PCSK4: variants seen among roughly 807,000 people sequenced by gnomAD.
The protein encoded by PCSK4 is proprotein convertase subtilisin/kexin type 4.
In PCSK4, 64 loss-of-function variants were observed where a neutral mutation model predicts 80.3. The ratio of observed to expected loss-of-function variants is 0.80; its 90% CI spans 0.65 to 0.98. PCSK4 has a LOEUF of 0.98. PCSK4 is among the 50% of genes least tolerant of loss of function. The pLI, the probability that PCSK4 is intolerant of heterozygous loss-of-function variation, is 0.00. For missense variants in PCSK4, 1,213 were observed against 1,093.6 expected, an observed-to-expected ratio of 1.11 and a Z score of -1.54; for synonymous variants, 561 against 487.6, an observed-to-expected ratio of 1.15 and a Z score of -1.98.
exon 11 of PCSK4, chr19:1,483,758 T>C: frequency 6.3e-7 from 1 of 1,588,072 alleles, no homozygotes; most frequent in East Asian, 2.3e-5. Flanking sequence ...GTATCCGTAG[T>C]GATGGCTCAC....
chr19:1,489,631 T>G, intron 2 of PCSK4, 162 bp downstream of exon 2: 1 of 1,302,616 alleles, frequency 7.7e-7, no homozygotes, highest in African/African-American at 1.5e-5. Context: ...TATCTGGGTC[T>G]TCCTGCCTCC....
exon 5 of PCSK4, chr19:1,487,790 C>A: frequency 6.3e-7 from 1 of 1,578,436 alleles, no homozygotes; most frequent in Non-Finnish European, 8.6e-7. Flanking sequence ...CTCACCGGTT[C>A]TCTTTGCTGG....
chr19:1,490,669 A>C, upstream of PCSK4: 2 of 329,142 alleles, frequency 6.1e-6, no homozygotes, highest in Non-Finnish European at 1.1e-5. Flanking sequence ...CCACTTTCCA[A>C]CACACCCCTC....
rs1229161481 is a variant in PCSK4 at position 1,483,959 on chromosome 19, G to A, written c.1170-18C>T. The A allele has an allele frequency of 5.4e-5, 77 of 1,436,814 alleles. 1 individual carries two copies. The South Asian group carries it at 5.8e-4, about 11-fold the overall frequency. The allele number at this position is 1,436,814 out of a possible 1,614,324, so 89.0% of individuals were successfully genotyped here. A position where few individuals can be genotyped will look rare whatever the true frequency, so the allele number is the denominator to read the frequency against. On this transcript the variant is annotated intron_variant, in intron 9 of 14. Coordinates refer to ENST00000300954, the Ensembl canonical transcript of PCSK4. ...GGAACGGGCTGCGGGGGGCGGGGGC[G>A]GGGGCGGGTGAGCCGCCGGGCCGCG... is the stretch of plus-strand genomic sequence containing the variant.
chr19:1,490,315 C>G, exon 1 of PCSK4: 1 of 1,477,564 alleles, frequency 6.8e-7, no homozygotes, highest in South Asian at 1.2e-5. Context: ...CAAGACCAGG[C>G]GCAGCCACAG....
upstream of PCSK4, chr19:1,490,475 C>T (rs2084893578): frequency 2.3e-5 from 12 of 529,684 alleles, no homozygotes; most frequent in Non-Finnish European, 3.6e-5. Flanking sequence ...GGGGGCCTTG[C>T]GGCTACTCAG....
intron 6 of PCSK4, 120 bp from the exon 7 acceptor site, chr19:1,487,433 G>T: frequency 2.0e-6 from 2 of 1,014,560 alleles, no homozygotes; most frequent in Non-Finnish European, 2.9e-6. Context: ...CTGCTCCCTG[G>T]AGTGGGACCA....
chr19:1,487,630 C>T (rs1167937738), exon 6 of PCSK4: 3 of 1,553,834 alleles, frequency 1.9e-6, no homozygotes, highest in South Asian at 2.4e-5. Flanking sequence ...AAAGCGACCC[C>T]CACACCACAG....
At chr19:1,485,678 TG>T (rs2084565295) in intron 8 of PCSK4, among the ~76,000 whole-genome samples, 1 of 151,906 alleles carries the variant, frequency 6.6e-6, no homozygotes, top group African/African-American at 2.4e-5. Context: ...GAGATCATCC[TG>T]GCTAACATGG....
At chr19:1,489,651 A>T in intron 2 of PCSK4, 142 bp downstream of exon 2, 1 of 1,410,932 alleles carries the variant, frequency 7.1e-7, no homozygotes, top group Non-Finnish European at 9.4e-7. Flanking sequence ...CTCTTGCTGT[A>T]TAGACTTGGG....
At chr19:1,483,560 G>T in intron 11 of PCSK4, 90 bp downstream of exon 11, 2 of 1,415,580 alleles carry the variant, frequency 1.4e-6, no homozygotes, top group East Asian at 2.3e-5. Flanking sequence ...ACGGGGTCCA[G>T]CCCTCGTTTT....
intron 1 of PCSK4, 100 bp downstream of exon 1, chr19:1,490,058 A>C: frequency 6.5e-7 from 1 of 1,530,606 alleles, no homozygotes; most frequent in Non-Finnish European, 8.8e-7. Context: ...GGGACTCTTG[A>C]TATTTAGAAG....
At chr19:1,482,545 G>T (rs568210492) in intron 13 of PCSK4, 70 bp from the exon 14 acceptor site, 1 of 1,543,204 alleles carries the variant, frequency 6.5e-7, no homozygotes, top group Admixed American at 1.8e-5. Context: ...GGTAGTCCCC[G>T]GGCTCCCTCC....
chr19:1,490,338 G>A (rs142886071), exon 1 of PCSK4: 1 of 1,273,756 alleles, frequency 7.9e-7, no homozygotes, highest in Non-Finnish European at 1.1e-6. Flanking sequence ...CAATCGGGGC[G>A]GGCCGCATGG....
At chr19:1,488,428 A>C in intron 2 of PCSK4, 148 bp from the exon 3 acceptor site, 1 of 632,672 alleles carries the variant, frequency 1.6e-6, no homozygotes, top group Non-Finnish European at 2.8e-6. Context: ...CTCTGTCTGC[A>C]GTCGGAAGGG....
chr19:1,490,042 T>TGGGCTGG (rs2145450589), intron 1 of PCSK4, 116 bp downstream of exon 1: 1 of 1,518,356 alleles, frequency 6.6e-7, no homozygotes, highest in East Asian at 2.5e-5. Context: ...GAGGCAGGGG[T>TGGGCTGG]GGGCTGGGAC....
At chr19:1,487,162 G>A (rs1399345518) in exon 7 of PCSK4, 1 of 1,606,276 alleles carries the variant, frequency 6.2e-7, no homozygotes, top group Non-Finnish European at 8.5e-7. Flanking sequence ...CACGCCGGAA[G>A]GCCTCGCGGG....
chr19:1,484,355 C>G (rs1026796809), intron 8 of PCSK4, among the ~76,000 whole-genome samples: 2 of 151,624 alleles, frequency 1.3e-5, no homozygotes, highest in East Asian at 3.9e-4. Context: ...GGCATGGTGG[C>G]GGGCACCTGT....
intron 2 of PCSK4, among the ~76,000 whole-genome samples, chr19:1,488,832 T>C (rs921954484): frequency 1.3e-5 from 2 of 152,142 alleles, no homozygotes; most frequent in Admixed American, 6.5e-5. Context: ...CTGCCTGCCT[T>C]GGCCTCCCGA....
Sources: allele counts gnomAD v4.1 joint callset (sites outside exome capture counted in the v4.1 genomes callset), GRCh38; gene constraint gnomAD v4.1.1; transcripts MANE v1.5; gene names NCBI Gene and HGNC (gene_info 2026-07-23, HGNC 2026-07-21).